The following SREBF2 variants were observed in gnomAD, a reference collection of about 807,000 sequenced individuals.
SREBF2 encodes the protein sterol regulatory element-binding protein 2.
SREBF2 carries 55 observed loss-of-function variants against 113.1 expected under a neutral mutation model. The ratio of observed to expected loss-of-function variants is 0.49; its 90% CI spans 0.39 to 0.61. SREBF2 has a LOEUF of 0.61. SREBF2 is among the 20% of genes least tolerant of loss of function. SREBF2 has a pLI of 0.00. For synonymous variants in SREBF2, 593 were observed against 605.7 expected (o/e 0.98, Z 0.31); for missense variants, 1,349 against 1,487.4 (o/e 0.91, Z 1.53).
At chr22:41,898,878 A>G in intron 15 of SREBF2, 97 bp downstream of exon 15, 1 of 1,533,036 alleles carries the variant, frequency 6.5e-7, no homozygotes, top group South Asian at 1.2e-5. Flanking sequence ...TGTTGGGGTG[A>G]AGGGTCAGGA....
rs1269987040 is a variant in SREBF2 at position 41,898,668 on chromosome 22, G to T, written c.2625G>T (p.Arg875=). Residue 875 remains arginine (R), a synonymous_variant, in exon 15 of 19, where the codon CGG becomes CGT. Transcript: ENST00000361204. ...KSALGPDIIC[R]WWTSAITVAI... is the part of the protein sequence containing the mutation. ...CTCTAGGTCCAGACATCATCTGTCG[G>T]TGGTGGACGTCTGCAATCACTGTGG... The T allele has an allele frequency of 1.2e-6, 2 of 1,613,958 alleles. No individual in the cohort carries two copies. The highest frequency in any genetic ancestry group is 1.7e-6 in the Non-Finnish European group (2 of 1,180,026).
In SREBF2 at chr22:41,868,807, A is replaced by G. The variant is rs2077112139; in HGVS notation, c.720+15A>G. On this transcript the variant is annotated intron_variant, in intron 3 of 18. Coordinates refer to ENST00000361204, the MANE Select transcript of SREBF2 (RefSeq NM_004599.4). ...AGCAGGTCCCGGTAAGTGGCTGGAA[A>G]GGATTCAGGGAGGCACTGGTTGGGG... 1.9e-6 allele frequency: 3 copies of G among 1,598,302 alleles called. No homozygotes were observed. The highest frequency in any genetic ancestry group is 2.6e-6 in the Non-Finnish European group (3 of 1,172,664).
At chr22:41,891,557 A>G (rs2077363263) in intron 11 of SREBF2, among the ~76,000 whole-genome samples, 1 of 152,190 alleles carries the variant, frequency 6.6e-6, no homozygotes. Context: ...GCACTCTGAC[A>G]GTGCTATTTC....
At chr22:41,894,433 A>C (rs2148412886) in intron 12 of SREBF2, among the ~76,000 whole-genome samples, 1 of 152,212 alleles carries the variant, frequency 6.6e-6, no homozygotes, top group Non-Finnish European at 1.5e-5. Flanking sequence ...AGCAGCTACC[A>C]CCTTTTTTTC....
At position 41,833,608 on chromosome 22, in the gene SREBF2, T is replaced by G; in HGVS notation, c.88+250T>G. The G allele has an allele frequency of 2.5e-6, 1 of 403,848 alleles. No homozygotes were observed. The allele number at this position is 403,848 out of a possible 1,614,324, so 25.0% of individuals were successfully genotyped here. On this transcript the variant is annotated intron_variant, in intron 1 of 18. Coordinates refer to ENST00000361204, the MANE Select transcript of SREBF2 (RefSeq NM_004599.4). This position sits in a 1 kb window ranked among gnomAD's most constrained non-coding sequence, Gnocchi z 4.1. ...CCGAAAGCGGCGCGAGGGTCGCGGG[T>G]TCCAGAGCGCGGGGCTAGGGACGTC...
In SREBF2 at chr22:41,873,876, G is replaced by A; in HGVS notation, c.946G>A (p.Val316Ile). The change falls in exon 5 of 19, where the codon GTA becomes ATA. Residue 316 changes from valine (V) to isoleucine (I), a missense_variant. This residue lies in a region of SREBF2 where 699 missense variants were observed against 843.3 expected (regional missense o/e 0.83). Coordinates refer to ENST00000361204, the MANE Select transcript of SREBF2 (RefSeq NM_004599.4). ...GCAAGAGAAAGTGCCCATTAAGCAGGTACCTGGGGGAGTCAAGCAGCTTGA... is the reference window on the plus strand; with the variant it reads ...GCAAGAGAAAGTGCCCATTAAGCAGATACCTGGGGGAGTCAAGCAGCTTGA... ...MGQEKVPIKQVPGGVKQLEPP... is the reference protein window; with the variant it reads ...MGQEKVPIKQIPGGVKQLEPP... 3 of 1,613,996 alleles carry A rather than the reference G, an allele frequency of 1.9e-6. No homozygotes were observed. The highest frequency in any genetic ancestry group is 2.5e-6 in the Non-Finnish European group (3 of 1,179,966).
intron 4 of SREBF2, among the ~76,000 whole-genome samples, chr22:41,872,112 T>A (rs570794691): frequency 6.6e-6 from 1 of 151,644 alleles, no homozygotes; most frequent in Non-Finnish European, 1.5e-5. Flanking sequence ...TAGCCGGGCA[T>A]GGTGGCGGGC....
intron 1 of SREBF2, among the ~76,000 whole-genome samples, chr22:41,864,726 C>G (rs978785470): frequency 6.6e-6 from 1 of 151,948 alleles, no homozygotes; most frequent in Non-Finnish European, 1.5e-5. Flanking sequence ...GAGGCCAAAC[C>G]GAGAGGTTGC....
At chr22:41,855,183 A>T (rs1420395529) in intron 1 of SREBF2, among the ~76,000 whole-genome samples, 1 of 152,242 alleles carries the variant, frequency 6.6e-6, no homozygotes, top group African/African-American at 2.4e-5. Context: ...CAAGAAACTG[A>T]TATTTACATA....
chr22:41,866,199 C>G (rs1569387438), intron 1 of SREBF2, among the ~76,000 whole-genome samples: 1 of 152,140 alleles, frequency 6.6e-6, no homozygotes, highest in Admixed American at 6.5e-5. Flanking sequence ...TTGGTACCTT[C>G]GACAGAACAG....
chr22:41,900,886 A>T lies in SREBF2; in HGVS notation c.2907+388A>T, dbSNP rs150315185. Reference sequence around the variant, plus strand: ...TTCCTGCCCCCTCGGGCACACAAACAGAGCTGAAGACCACCCTGGGCACCT... The same window carrying T: ...TTCCTGCCCCCTCGGGCACACAAACTGAGCTGAAGACCACCCTGGGCACCT... On this transcript the variant is annotated intron_variant, in intron 16 of 18. Transcript: ENST00000361204. 1.1e-3 allele frequency: 556 copies of T among 520,416 alleles called. 3 individuals are homozygous for T. Among genetic ancestry groups the T allele is most frequent in the African/African-American group, 8.5e-3 (447 of 52,466 alleles). 32.2% of individuals were successfully genotyped at this position (520,416 alleles called of 1,614,324 possible).
intron 3 of SREBF2, among the ~76,000 whole-genome samples, chr22:41,869,819 C>G (rs534817039): frequency 1.3e-5 from 2 of 151,324 alleles, no homozygotes; most frequent in Non-Finnish European, 2.9e-5. Context: ...TCACAAAAAA[C>G]GTCTTTATGT....
In SREBF2 at chr22:41,906,085, T is replaced by G. The variant is rs1267197124; in HGVS notation, c.*425T>G. On this transcript the variant is annotated 3_prime_UTR_variant, in exon 19 of 19. Transcript: ENST00000361204. The stretch of plus-strand genomic sequence containing the variant: ...GTTGCCCTCAGGCCTGTGCCCAGCA[T>G]GCCCTCCCCTTTTTATACGAATGTT... 2 of 443,812 alleles carry G rather than the reference T, an allele frequency of 4.5e-6. No homozygotes were observed. The highest frequency in any genetic ancestry group is 4.0e-5 in the African/African-American group (2 of 49,472). The allele number at this position is 443,812 out of a possible 1,614,324, so 27.5% of individuals were successfully genotyped here.
At position 41,894,903 on chromosome 22, in the gene SREBF2, A is replaced by G; in HGVS notation, c.2461A>G (p.Lys821Glu). 1 of 1,614,040 alleles carries G rather than the reference A, an allele frequency of 6.2e-7. No homozygotes were observed. Among genetic ancestry groups the G allele is most frequent in the Non-Finnish European group, 8.5e-7 (1 of 1,180,016 alleles). The change falls in exon 13 of 19, where the codon AAG becomes GAG. Residue 821 changes from lysine to glutamate, a missense_variant. Coordinates refer to ENST00000361204, the MANE Select transcript of SREBF2 (RefSeq NM_004599.4). ...AGAGTCCTTGGTGAAACCTCAGGCCAAGAAGAAGGCTGGAGACCAGGAAGA... is the reference window on the plus strand; with the variant it reads ...AGAGTCCTTGGTGAAACCTCAGGCCGAGAAGAAGGCTGGAGACCAGGAAGA... ...AIESLVKPQA[K>E]KKAGDQEEES...
chr22:41,842,804 A>G (rs912266772), intron 1 of SREBF2, among the ~76,000 whole-genome samples: 1 of 152,172 alleles, frequency 6.6e-6, no homozygotes, highest in Non-Finnish European at 1.5e-5. Context: ...CCTGGCTAAC[A>G]TGGTGAAACC....
chr22:41,878,142 C>T lies in SREBF2; in HGVS notation c.1761+19C>T, dbSNP rs769230204. 1.9e-6 allele frequency: 3 copies of T among 1,613,192 alleles called. No individual in the cohort carries two copies. The highest frequency in any genetic ancestry group is 4.5e-5 in the East Asian group (2 of 44,880). On this transcript the variant is annotated intron_variant, in intron 9 of 18. Transcript: ENST00000361204. ...CGCCAGAGTGAGTTCTGTGTCCGCC[C>T]TTCCCCATCCTCCCCCAGACTTGAC...
intron 1 of SREBF2, among the ~76,000 whole-genome samples, chr22:41,860,173 G>A (rs1045459621): frequency 6.6e-6 from 1 of 151,790 alleles, no homozygotes; most frequent in Non-Finnish European, 1.5e-5. Flanking sequence ...ATAACAAAGT[G>A]GGGGAAGTAC....
chr22:41,893,344 CAG>C (rs2077382377), intron 12 of SREBF2, 59 bp downstream of exon 12: 2 of 1,571,482 alleles, frequency 1.3e-6, no homozygotes, highest in African/African-American at 1.3e-5. Flanking sequence ...GCCGGTACTA[CAG>C]AGTCACTGCA....
Position 41,866,954 on chromosome 22 carries a change from G to A in SREBF2, c.212G>A (p.Ser71Asn), listed in dbSNP as rs1447465100. Residue 71 changes from serine (S) to asparagine (N), a missense_variant, in exon 2 of 19, where the codon AGC becomes AAC. By Grantham distance (46) the Ser-to-Asn change is conservative. This residue lies in a region of SREBF2 where 699 missense variants were observed against 843.3 expected (regional missense o/e 0.83). Coordinates refer to ENST00000361204, the MANE Select transcript of SREBF2 (RefSeq NM_004599.4). The part of the protein sequence containing the change: ...GSSSGSSGSS[S>N]SSSNGRGSSS... ...AGCAGCGGCAGCAGTGGCAGCAGCA[G>A]CAGCAGCAGCAATGGCAGGGGCAGC... The A allele has an allele frequency of 1.2e-6, 2 of 1,613,936 alleles. No homozygotes were observed. The highest frequency in any genetic ancestry group is 1.7e-6 in the Non-Finnish European group (2 of 1,179,984).
Sources: allele counts gnomAD v4.1 joint callset (sites outside exome capture counted in the v4.1 genomes callset), GRCh38; gene constraint gnomAD v4.1.1; regional missense constraint gnomAD v4.1.1; non-coding constraint Gnocchi (gnomAD v3.1); transcripts MANE v1.5; gene names NCBI Gene and HGNC (gene_info 2026-07-23, HGNC 2026-07-21).